Variants in TBC1D1 observed in about 807,000 individuals in gnomAD.
TBC1D1 encodes TBC1 (tre-2/USP6, BUB2, cdc16) domain family, member 1.
Under a neutral mutation model 125.6 loss-of-function variants are expected in TBC1D1, and 89 were observed. The observed-to-expected ratio is 0.71, with a 90% CI of 0.60 to 0.85. The LOEUF (loss-of-function observed/expected upper bound fraction) is 0.85, where lower values mean the gene tolerates loss of function less well. Among genes scored for constraint, TBC1D1 ranks in the 40% least tolerant of loss-of-function variants. The pLI, the probability that TBC1D1 is intolerant of heterozygous loss-of-function variation, is 0.00. For synonymous variants in TBC1D1, 565 were observed against 564.1 expected, an observed-to-expected ratio of 1.00 and a Z score of -0.02; for missense variants, 1,377 against 1,469.2, an observed-to-expected ratio of 0.94 and a Z score of 1.03.
intron 2 of TBC1D1, among the ~76,000 whole-genome samples, chr4:38,005,853 G>T (rs1278772814): frequency 6.6e-6 from 1 of 152,194 alleles, no homozygotes; most frequent in East Asian, 1.9e-4. Context: ...CATGCCAGGG[G>T]ACTGACATGG....
At chr4:37,940,800 G>T (rs1370840975) in intron 2 of TBC1D1, among the ~76,000 whole-genome samples, 1 of 152,118 alleles carries the variant, frequency 6.6e-6, no homozygotes, top group Non-Finnish European at 1.5e-5. Context: ...TTTTGTCTTT[G>T]GTTCTGTTTA....
Position 38,138,097 on chromosome 4 carries a change from ATC to A in TBC1D1, c.*770_*771del, listed in dbSNP as rs534520413. On this transcript the variant is annotated 3_prime_UTR_variant, in exon 20 of 20. Transcript: ENST00000261439. ...TCCTGATCACTGTCAAGTGAAATGG[ATC>A]TCTCTCTTTGGTATTTAAGGAAGTT... 1.6e-4 allele frequency: 24 copies of A among 152,264 alleles called. No individual in the cohort carries two copies. Among genetic ancestry groups the A allele is most frequent in the African/African-American group, 5.5e-4 (23 of 41,506 alleles). 9.4% of individuals were successfully genotyped at this position (152,264 alleles called of 1,614,324 possible). A position where few individuals can be genotyped will look rare whatever the true frequency, so the allele number is the denominator to read the frequency against.
intron 12 of TBC1D1, 104 bp from the exon 15 acceptor site, chr4:38,089,822 ATATTAT>A: frequency 8.8e-7 from 1 of 1,138,692 alleles, no homozygotes. Context: ...AAATTTGGTG[ATATTAT>A]TATATTTTAT....
At chr4:38,017,350 A>T (rs780039435) in intron 3 of TBC1D1, among the ~76,000 whole-genome samples, 3 of 152,260 alleles carry the variant, frequency 2.0e-5, no homozygotes, top group Non-Finnish European at 4.4e-5. Flanking sequence ...AAGATGTTGC[A>T]TGTTAAAAAT....
chr4:37,916,420 C>T (rs571862732), intron 2 of TBC1D1, among the ~76,000 whole-genome samples: 4 of 151,948 alleles, frequency 2.6e-5, no homozygotes, highest in Admixed American at 2.0e-4. Context: ...TCGTTTTTAG[C>T]AATTTCGTAG....
At chr4:37,971,184 A>AGACATT (rs1294043373) in intron 2 of TBC1D1, among the ~76,000 whole-genome samples, 1 of 152,186 alleles carries the variant, frequency 6.6e-6, no homozygotes, top group Non-Finnish European at 1.5e-5. Context: ...TGAGATGGTG[A>AGACATT]GACATTAAAG....
chr4:38,052,092 GTC>G (rs1193045088), intron 11 of TBC1D1, 32 bp downstream of exon 12: 1 of 1,549,648 alleles, frequency 6.5e-7, no homozygotes, highest in South Asian at 1.2e-5. Context: ...GTTTGGTGTT[GTC>G]TGTTTTCCTG....
At chr4:37,941,282 T>G (rs554600119) in intron 2 of TBC1D1, among the ~76,000 whole-genome samples, 2 of 152,336 alleles carry the variant, frequency 1.3e-5, no homozygotes, top group East Asian at 3.9e-4. Context: ...ATTTATCCAT[T>G]TCTTCTAGAT....
At chr4:38,070,732 G>A (rs1754566266) in intron 12 of TBC1D1, among the ~76,000 whole-genome samples, 2 of 152,200 alleles carry the variant, frequency 1.3e-5, no homozygotes, top group South Asian at 4.1e-4. Context: ...TTCTACAGAA[G>A]TGGCAAGAAG....
chr4:38,128,199 T>G (rs1764978015), intron 18 of TBC1D1, among the ~76,000 whole-genome samples: 1 of 152,054 alleles, frequency 6.6e-6, no homozygotes, highest in Non-Finnish European at 1.5e-5. Context: ...AAAATTTGCA[T>G]TTAGGGCCCG....
intron 2 of TBC1D1, among the ~76,000 whole-genome samples, chr4:37,994,093 T>A (rs181895674): frequency 6.6e-6 from 1 of 152,312 alleles, no homozygotes; most frequent in African/African-American, 2.4e-5. Flanking sequence ...GGAGGGAACC[T>A]GCTCAGGAGG....
rs189147798 is a variant in TBC1D1, at chr4:37,891,100, G to C, written c.-342G>C. 2.0e-4 allele frequency: 17 copies of C among 85,384 alleles called. No homozygotes were observed. Among genetic ancestry groups the C allele is most frequent in the South Asian group, 3.1e-4 (1 of 3,226 alleles). The allele number at this position is 85,384 out of a possible 1,614,324, so 5.3% of individuals were successfully genotyped here. A position where few individuals can be genotyped will look rare whatever the true frequency, so the allele number is the denominator to read the frequency against. On this transcript the variant is annotated 5_prime_UTR_variant, in exon 1 of 20. Coordinates refer to ENST00000261439, the MANE Select transcript of TBC1D1 (RefSeq NM_015173.4). ...CTCCTCCTCCTCCTCTTCGGCTGCT[G>C]CTCCTGGTGCCGCCACCGTCCGCCG...
At chr4:37,917,188 T>C (rs1719909777) in intron 2 of TBC1D1, among the ~76,000 whole-genome samples, 1 of 151,548 alleles carries the variant, frequency 6.6e-6, no homozygotes, top group East Asian at 2.0e-4. Context: ...TAAGAAGTTG[T>C]GTGGGCCAGG....
At chr4:38,134,279 G>A (rs780531912) in intron 19 of TBC1D1, among the ~76,000 whole-genome samples, 1 of 152,170 alleles carries the variant, frequency 6.6e-6, no homozygotes, top group Non-Finnish European at 1.5e-5. Flanking sequence ...TATCTGAAAT[G>A]CATTCCTCCC....
chr4:38,102,895 A>AT, intron 14 of TBC1D1, 104 bp from the exon 17 acceptor site: 4 of 1,317,734 alleles, frequency 3.0e-6, no homozygotes, highest in Non-Finnish European at 4.1e-6. Context: ...AAAAAAAAAA[A>AT]GGAACAAGAA....
At chr4:37,921,341 A>T (rs1720943151) in intron 2 of TBC1D1, among the ~76,000 whole-genome samples, 1 of 150,910 alleles carries the variant, frequency 6.6e-6, no homozygotes, top group African/African-American at 2.4e-5. Context: ...CCCAGGAAAA[A>T]AAAACATAAA....
chr4:37,978,987 G>T (rs1578132013), intron 2 of TBC1D1, among the ~76,000 whole-genome samples: 1 of 152,240 alleles, frequency 6.6e-6, no homozygotes, highest in East Asian at 1.9e-4. Flanking sequence ...AGCGATTCTT[G>T]TGTCTCAGCC....
chr4:38,118,629 CCCTGCCCTT>C, intron 17 of TBC1D1: 1 of 157,114 alleles, frequency 6.4e-6, no homozygotes, highest in Non-Finnish European at 1.4e-5. Context: ...TCTCTTCTTG[CCCTGCCCTT>C]GGCTCTACAC....
chr4:38,024,207 T>C (rs1218771723), intron 6 of TBC1D1, among the ~76,000 whole-genome samples: 1 of 152,250 alleles, frequency 6.6e-6, no homozygotes, highest in Non-Finnish European at 1.5e-5. Flanking sequence ...AAAATATATC[T>C]GGGAACAAGA....
Sources: allele counts gnomAD v4.1 joint callset (sites outside exome capture counted in the v4.1 genomes callset), GRCh38; gene constraint gnomAD v4.1.1; transcripts MANE v1.5; gene names NCBI Gene and HGNC (gene_info 2026-07-23, HGNC 2026-07-21).